Variants in ARHGEF12 observed in about 807,000 individuals in gnomAD.
ARHGEF12 encodes the protein Rho guanine nucleotide exchange factor 12.
ARHGEF12 carries 66 observed loss-of-function variants against 211.2 expected under a neutral mutation model. The ratio of observed to expected loss-of-function variants is 0.31; its 90% CI spans 0.26 to 0.38. ARHGEF12 has a LOEUF of 0.38. ARHGEF12 is among the 10% of genes least tolerant of loss of function. The pLI, the probability that ARHGEF12 is intolerant of heterozygous loss-of-function variation, is 1.00. For missense variants in ARHGEF12, 1,429 were observed against 1,869.5 expected (o/e 0.76, Z 4.34); for synonymous variants, 592 against 638.4 (o/e 0.93, Z 1.09).
chr11:120,358,385 C>G (rs1943186506), intron 1 of ARHGEF12, among the ~76,000 whole-genome samples: 1 of 151,816 alleles, frequency 6.6e-6, no homozygotes, highest in Admixed American at 6.6e-5. Flanking sequence ...TAATACTTAG[C>G]AAGATAGGGA....
At chr11:120,390,917 G>GT (rs1944196441) in intron 1 of ARHGEF12, among the ~76,000 whole-genome samples, 1 of 152,100 alleles carries the variant, frequency 6.6e-6, no homozygotes, top group Non-Finnish European at 1.5e-5. Flanking sequence ...TAGAATTATT[G>GT]TTAAAATTAA....
At chr11:120,342,162 T>C (rs1279384148) in intron 1 of ARHGEF12, among the ~76,000 whole-genome samples, 1 of 152,208 alleles carries the variant, frequency 6.6e-6, no homozygotes, top group African/African-American at 2.4e-5. Flanking sequence ...CTTTGTACTG[T>C]ATTTTTCTGT....
chr11:120,477,649 G>T (rs1947090190), intron 36 of ARHGEF12, 123 bp downstream of exon 36: 1 of 835,462 alleles, frequency 1.2e-6, no homozygotes, highest in African/African-American at 1.7e-5. Context: ...CGTATCACCT[G>T]AGGCCAGGAG....
intron 11 of ARHGEF12, 66 bp downstream of exon 11, chr11:120,431,977 G>A: frequency 7.0e-7 from 1 of 1,426,530 alleles, no homozygotes; most frequent in Non-Finnish European, 9.3e-7. Flanking sequence ...TTCTAGATTT[G>A]ATTTTAAGTG....
At chr11:120,472,453 C>T (rs889773117) in intron 30 of ARHGEF12, among the ~76,000 whole-genome samples, 2 of 152,014 alleles carry the variant, frequency 1.3e-5, no homozygotes, top group African/African-American at 4.8e-5. Context: ...CTTATATAGC[C>T]ATCTGAATTT....
intron 1 of ARHGEF12, among the ~76,000 whole-genome samples, chr11:120,395,447 A>C (rs1469777714): frequency 6.6e-6 from 1 of 152,252 alleles, no homozygotes; most frequent in East Asian, 1.9e-4. Context: ...GTATGAACTC[A>C]TGCTGAGCTT....
intron 39 of ARHGEF12, among the ~76,000 whole-genome samples, chr11:120,483,941 G>A (rs1947329954): frequency 6.6e-6 from 1 of 151,854 alleles, no homozygotes; most frequent in South Asian, 2.1e-4. Context: ...TTTTAGTAGA[G>A]ACAGGATTTC....
At chr11:120,364,148 G>A (rs952769127) in intron 1 of ARHGEF12, among the ~76,000 whole-genome samples, 11 of 152,036 alleles carry the variant, frequency 7.2e-5, no homozygotes, top group East Asian at 3.9e-4. Flanking sequence ...GAAGAAGATC[G>A]TCAGTCTGTA....
At position 120,451,655 on chromosome 11, in the gene ARHGEF12, G is replaced by T. The variant is rs1008697730; in HGVS notation, c.1987G>T (p.Ala663Ser). 1 of 1,614,096 alleles carries T rather than the reference G, an allele frequency of 6.2e-7. No homozygotes were observed. Among genetic ancestry groups the T allele is most frequent in the Admixed American group, 1.7e-5 (1 of 60,026 alleles). The part of the protein sequence containing the change: ...NEGTDAGYLP[A>S]NSMSSVASGA... ...AGGAACAGACGCTGGATACCTGCCT[G>T]CCAATTCCATGTCTTCTGTAGCTTC... The change falls in exon 22 of 41, where the codon GCC becomes TCC. Residue 663 changes from alanine (A) to serine (S), a missense_variant. Physicochemically the swap from Ala to Ser is moderately conservative, Grantham distance 99. Transcript: ENST00000397843.
Position 120,337,057 on chromosome 11 carries a change from G to A in ARHGEF12, c.-187G>A. ...CTCAGTTCGTTTTGGGAGATAACTTGTTTTGCTCCAAGCCGCATCCGTTGA... is the reference window on the plus strand; with the variant it reads ...CTCAGTTCGTTTTGGGAGATAACTTATTTTGCTCCAAGCCGCATCCGTTGA... On this transcript the variant is annotated 5_prime_UTR_variant, in exon 1 of 41. Coordinates refer to ENST00000397843, the MANE Select transcript of ARHGEF12 (RefSeq NM_015313.3). 3.0e-6 allele frequency: 2 copies of A among 658,266 alleles called. No individual in the cohort carries two copies. Among genetic ancestry groups the A allele is most frequent in the South Asian group, 1.9e-5 (1 of 53,970 alleles). 40.8% of individuals were successfully genotyped at this position (658,266 alleles called of 1,614,324 possible). A position where few individuals can be genotyped will look rare whatever the true frequency, so the allele number is the denominator to read the frequency against.
At position 120,457,151 on chromosome 11, in the gene ARHGEF12, G is replaced by A; in HGVS notation, c.2090G>A (p.Gly697Glu). 2 of 1,613,980 alleles carry A rather than the reference G, an allele frequency of 1.2e-6. No homozygotes were observed. The highest frequency in any genetic ancestry group is 1.7e-6 in the Non-Finnish European group (2 of 1,179,954). ...CAAGTTGGAGAAACATCAGCACCTGGAGACACCTTAGATGGCACACCTCGT... is the reference window on the plus strand; with the variant it reads ...CAAGTTGGAGAAACATCAGCACCTGAAGACACCTTAGATGGCACACCTCGT... ...SKQVGETSAP[G>E]DTLDGTPRTL... The change falls in exon 23 of 41, where the codon GGA (glycine) becomes GAA (glutamate). Residue 697 changes from glycine (G) to glutamate (E), a missense_variant. Transcript: ENST00000397843.
In ARHGEF12 at chr11:120,340,492, A is replaced by G. The variant is rs143944831; in HGVS notation, c.32+3217A>G. Among the ~76,000 whole-genome samples, 3 of 152,322 alleles carry G rather than the reference A, an allele frequency of 2.0e-5. No individual in the cohort carries two copies. In the East Asian group the frequency reaches 5.8e-4, roughly 29 times the overall value. ...CAGCTTTGAGCTGTTTAACTTAAGC[A>G]GATTTTTAAAGTGAGTGTGGAAACC... On this transcript the variant is annotated intron_variant, in intron 1 of 40. Coordinates refer to ENST00000397843, the MANE Select transcript of ARHGEF12 (RefSeq NM_015313.3).
At position 120,472,660 on chromosome 11, in the gene ARHGEF12, A is replaced by AT. The variant is rs558512294; in HGVS notation, c.2956-378dup. 4.8e-3 allele frequency among the ~76,000 whole-genome samples: 697 copies of AT among 146,080 alleles called. 1 individual carries two copies. Among genetic ancestry groups the AT allele is most frequent in the South Asian group, 0.011 (49 of 4,566 alleles). ...TTGCAAAGAGCTCAGTAAAATGGAGATTTTTTTTTTTTGAGATGGAGTCTT... is the reference window on the plus strand; with the variant it reads ...TTGCAAAGAGCTCAGTAAAATGGAGATTTTTTTTTTTTTGAGATGGAGTCTT... On this transcript the variant is annotated intron_variant, in intron 30 of 40. Transcript: ENST00000397843.
At chr11:120,465,879 T>C (rs2135932040) in intron 28 of ARHGEF12, among the ~76,000 whole-genome samples, 1 of 152,354 alleles carries the variant, frequency 6.6e-6, no homozygotes, top group Non-Finnish European at 1.5e-5. Flanking sequence ...ATACTTAATA[T>C]AGAAATCCAC....
chr11:120,403,820 G>T (rs1056167173), intron 1 of ARHGEF12, among the ~76,000 whole-genome samples: 1 of 152,164 alleles, frequency 6.6e-6, no homozygotes, highest in African/African-American at 2.4e-5. Flanking sequence ...ATGATTTCAT[G>T]ATTAGACTAC....
intron 35 of ARHGEF12, 28 bp from the exon 36 acceptor site, chr11:120,477,419 G>GTTTTT (rs371114939): frequency 1.8e-4 from 221 of 1,251,054 alleles, no homozygotes; most frequent in South Asian, 6.4e-4. Flanking sequence ...GAAGGTAAAA[G>GTTTTT]TTTTTTTTTT....
chr11:120,449,593 G>A (rs1215046330), intron 21 of ARHGEF12: 5 of 160,562 alleles, frequency 3.1e-5, no homozygotes, highest in African/African-American at 1.2e-4. Flanking sequence ...CAGCTACTCG[G>A]GAGGCTGAGG....
chr11:120,372,990 C>T (rs1244595399), intron 1 of ARHGEF12, among the ~76,000 whole-genome samples: 1 of 151,492 alleles, frequency 6.6e-6, no homozygotes, highest in Admixed American at 6.6e-5. Context: ...AAAAGCTATT[C>T]CGTATTACCA....
chr11:120,377,958 G>A (rs938358768), intron 1 of ARHGEF12, among the ~76,000 whole-genome samples: 2 of 151,824 alleles, frequency 1.3e-5, no homozygotes, highest in Non-Finnish European at 2.9e-5. Context: ...TAGAGATGGG[G>A]TCTCACTATG....
Sources: allele counts gnomAD v4.1 joint callset (sites outside exome capture counted in the v4.1 genomes callset), GRCh38; gene constraint gnomAD v4.1.1; transcripts MANE v1.5; gene names NCBI Gene and HGNC (gene_info 2026-07-23, HGNC 2026-07-21).